The following BEND3 variants were observed in gnomAD, a reference collection of about 807,000 sequenced individuals.
The protein encoded by BEND3 is BEN domain-containing protein 3.
A neutral mutation model predicts 60.1 loss-of-function variants in BEND3; 13 were observed. The observed-to-expected ratio is 0.22, with a 90% CI of 0.14 to 0.34. The LOEUF (loss-of-function observed/expected upper bound fraction) is 0.34. Ranked by LOEUF, BEND3 falls within the 10% of genes least tolerant of loss-of-function variation. BEND3 has a pLI of 1.00. For missense variants in BEND3, 896 were observed against 1,138.1 expected (o/e 0.79, Z 3.06); for synonymous variants, 497 against 491.5 (o/e 1.01, Z -0.15).
rs782463296 is a variant in BEND3, at chr6:107,070,954, C to A, written c.241-4G>T. On this transcript the variant is annotated splice_region_variant and splice_polypyrimidine_tract_variant and intron_variant, in intron 3 of 3. Transcript: ENST00000369042. This position sits in a 1 kb window ranked among gnomAD's most constrained non-coding sequence, Gnocchi z 6.9. ...TCCGCATGCCTGCTAGGAGAGCCTG[C>A]AAAACAAAAATCATTTCCCAGAGTG... 3 of 1,595,416 alleles carry A rather than the reference C, an allele frequency of 1.9e-6. No homozygotes were observed. The highest frequency in any genetic ancestry group is 2.2e-5 in the East Asian group (1 of 44,672).
At chr6:107,095,075 A>C (rs1775557213) in intron 3 of BEND3, among the ~76,000 whole-genome samples, 1 of 152,010 alleles carries the variant, frequency 6.6e-6, no homozygotes, top group African/African-American at 2.4e-5. Context: ...CACCTGCCTC[A>C]GCCTCCCAAG....
chr6:107,115,107 TA>T lies in BEND3; in HGVS notation c.-30del, dbSNP rs1177075735. The T allele has an allele frequency of 6.7e-6, 1 of 149,440 alleles. No homozygotes were observed. Among genetic ancestry groups the T allele is most frequent in the African/African-American group, 2.4e-5 (1 of 41,014 alleles). 9.3% of individuals were successfully genotyped at this position (149,440 alleles called of 1,614,324 possible). On this transcript the variant is annotated 5_prime_UTR_variant, in exon 1 of 4. The change creates a premature stop within an existing upstream ORF in the 5' untranslated region. Coordinates refer to ENST00000369042, the MANE Select transcript of BEND3 (RefSeq NM_001367314.1). ...GCACTTACCTGGGACGCGAGTTCTGTACTTTGCCGGGCGGGCCCGCGCCGAG... is the reference window on the plus strand; with the variant it reads ...GCACTTACCTGGGACGCGAGTTCTGTCTTTGCCGGGCGGGCCCGCGCCGAG...
intron 3 of BEND3, among the ~76,000 whole-genome samples, chr6:107,079,845 G>A (rs1775186558): frequency 6.6e-6 from 1 of 151,916 alleles, no homozygotes; most frequent in South Asian, 2.1e-4. Flanking sequence ...GGTATGGAAG[G>A]CACTATTTGT....
intron 3 of BEND3, among the ~76,000 whole-genome samples, chr6:107,097,437 T>C (rs1775608380): frequency 6.6e-6 from 1 of 150,932 alleles, no homozygotes; most frequent in Admixed American, 6.6e-5. Context: ...AGAAAAGCCA[T>C]TCAGACCAGA....
chr6:107,107,334 A>G (rs528619204), intron 1 of BEND3, among the ~76,000 whole-genome samples: 2 of 150,934 alleles, frequency 1.3e-5, no homozygotes, highest in East Asian at 3.9e-4. Flanking sequence ...GGAGCTGGAC[A>G]CATCTACCTC....
intron 1 of BEND3, among the ~76,000 whole-genome samples, chr6:107,104,819 C>A (rs1775779181): frequency 6.6e-6 from 1 of 151,996 alleles, no homozygotes; most frequent in Admixed American, 6.6e-5. Context: ...CAGGCATGCG[C>A]CACCACATAC....
In BEND3 at chr6:107,099,258, C is replaced by T; in HGVS notation, c.28G>A (p.Val10Ile). The change falls in exon 2 of 4, where the codon GTA (valine) becomes ATA (isoleucine). Residue 10 changes from valine to isoleucine, a missense_variant. By Grantham distance (29) the Val-to-Ile change is conservative (BLOSUM62 3). Transcript: ENST00000369042. MNSTEFTED[V>I]EEVLKSITVK... ...GGCATTTTTTTTTTACCTTCTTCTA[C>T]ATCTTCGGTGAATTCAGTTGAGTTC... 3 of 1,610,420 alleles carry T rather than the reference C, an allele frequency of 1.9e-6. No homozygotes were observed. Among genetic ancestry groups the T allele is most frequent in the Non-Finnish European group, 2.5e-6 (3 of 1,177,144 alleles).
At chr6:107,088,857 A>T (rs1775410962) in intron 3 of BEND3, among the ~76,000 whole-genome samples, 1 of 152,240 alleles carries the variant, frequency 6.6e-6, no homozygotes, top group African/African-American at 2.4e-5. Flanking sequence ...ATTTAACCAA[A>T]GAAGTGAAAG....
At chr6:107,097,240 G>A (rs1286106244) in intron 3 of BEND3, among the ~76,000 whole-genome samples, 1 of 151,616 alleles carries the variant, frequency 6.6e-6, no homozygotes, top group African/African-American at 2.4e-5. Context: ...GGTGGCACAC[G>A]CTTATAATCC....
intron 3 of BEND3, among the ~76,000 whole-genome samples, chr6:107,078,982 C>A (rs893723548): frequency 6.6e-6 from 1 of 152,054 alleles, no homozygotes; most frequent in Admixed American, 6.6e-5. Context: ...GCCACGCCCC[C>A]ATTTCTATCC....
intron 3 of BEND3, among the ~76,000 whole-genome samples, chr6:107,088,871 T>C (rs1554234727): frequency 6.7e-6 from 1 of 148,420 alleles, no homozygotes; most frequent in African/African-American, 2.5e-5. Flanking sequence ...GTGAAAGATC[T>C]CGGCCAGGCG....
intron 3 of BEND3, among the ~76,000 whole-genome samples, chr6:107,090,105 T>C (rs1775443340): frequency 6.6e-6 from 1 of 151,992 alleles, no homozygotes; most frequent in Non-Finnish European, 1.5e-5. Flanking sequence ...TCCCAGCACT[T>C]TGGGAGGCCA....
chr6:107,075,382 C>A (rs997594799), intron 3 of BEND3, among the ~76,000 whole-genome samples: 24 of 152,236 alleles, frequency 1.6e-4, no homozygotes, highest in African/African-American at 5.8e-4. Flanking sequence ...CAAATTCATA[C>A]AGGTAAGTTG....
intron 3 of BEND3, among the ~76,000 whole-genome samples, chr6:107,094,817 CCTTT>C (rs1775550989): frequency 3.1e-5 from 3 of 96,318 alleles, no homozygotes; most frequent in Non-Finnish European, 5.8e-5. Context: ...TATGTCACTG[CCTTT>C]TTTTTTTTTT....
chr6:107,099,417 C>T (rs1293496190), intron 1 of BEND3, 121 bp from the exon 2 acceptor site: 4 of 798,024 alleles, frequency 5.0e-6, no homozygotes, highest in Non-Finnish European at 8.3e-6. Context: ...AGCAGCACAG[C>T]ACTGTGGAAG....
In BEND3 at chr6:107,087,669, G is replaced by A. The variant is rs531053341; in HGVS notation, c.240+10882C>T. 3.8e-4 allele frequency among the ~76,000 whole-genome samples: 58 copies of A among 151,918 alleles called. 1 individual carries two copies. Among genetic ancestry groups the A allele is most frequent in the South Asian group, 4.2e-4 (2 of 4,804 alleles). Reference sequence around the variant, plus strand: ...GGAGAATTGCTTGAATCTGGGAGGCGGAGGTTGCAGTGAGCTGAGATTGTG... The same window carrying A: ...GGAGAATTGCTTGAATCTGGGAGGCAGAGGTTGCAGTGAGCTGAGATTGTG... On this transcript the variant is annotated intron_variant, in intron 3 of 3. Coordinates refer to ENST00000369042, the MANE Select transcript of BEND3 (RefSeq NM_001367314.1).
chr6:107,084,298 C>T (rs1775294875), intron 3 of BEND3, among the ~76,000 whole-genome samples: 1 of 152,262 alleles, frequency 6.6e-6, no homozygotes, highest in African/African-American at 2.4e-5. Context: ...TCCAAGGTTA[C>T]CCAATCAGCA....
rs556008920 is a variant in BEND3 at position 107,071,563 on chromosome 6, C to G, written c.241-613G>C. On this transcript the variant is annotated intron_variant, in intron 3 of 3. Transcript: ENST00000369042. ...TGCCAACTCCACCACTGCCTGAAAT[C>G]ACATCTTAGACCAGAAAAAGCCGGC... is the stretch of plus-strand genomic sequence containing the variant. Among the ~76,000 whole-genome samples the G allele has an allele frequency of 2.2e-4, 33 of 152,274 alleles. No individual in the cohort carries two copies. In the Middle Eastern group the frequency reaches 0.014, roughly 63 times the overall value.
At chr6:107,071,140 A>C (rs1582639979) in intron 3 of BEND3, among the ~76,000 whole-genome samples, 190 bp from the exon 4 acceptor site, 1 of 152,246 alleles carries the variant, frequency 6.6e-6, no homozygotes, top group South Asian at 2.1e-4. Flanking sequence ...CACCACCCCA[A>C]ACCTGCTGCT....
Sources: allele counts gnomAD v4.1 joint callset (sites outside exome capture counted in the v4.1 genomes callset), GRCh38; gene constraint gnomAD v4.1.1; non-coding constraint Gnocchi (gnomAD v3.1); transcripts MANE v1.5; gene names NCBI Gene and HGNC (gene_info 2026-07-23, HGNC 2026-07-21).